The following CPNE4 variants were observed in gnomAD, a reference collection of about 807,000 sequenced individuals.
The protein encoded by CPNE4 is copine-4.
CPNE4 carries 25 observed loss-of-function variants against 67.9 expected under a neutral mutation model. The observed-to-expected ratio is 0.37, with a 90% CI of 0.27 to 0.51. The LOEUF (loss-of-function observed/expected upper bound fraction) is 0.51. Ranked by LOEUF, CPNE4 falls within the 20% of genes least tolerant of loss-of-function variation. The pLI is 0.93. For synonymous variants in CPNE4, 242 were observed against 244.9 expected, an observed-to-expected ratio of 0.99 and a Z score of 0.11; for missense variants, 464 against 690.8, an observed-to-expected ratio of 0.67 and a Z score of 3.68.
intron 1 of CPNE4, among the ~76,000 whole-genome samples, chr3:131,913,491 GAGGGAAGAATC>G (rs1370727526): frequency 6.6e-6 from 1 of 152,170 alleles, no homozygotes; most frequent in Non-Finnish European, 1.5e-5. Context: ...AACCCACTCT[GAGGGAAGAATC>G]AGGGAAGAAG....
chr3:131,860,184 A>G (rs1226463494), intron 2 of CPNE4, among the ~76,000 whole-genome samples: 1 of 152,208 alleles, frequency 6.6e-6, no homozygotes, highest in Non-Finnish European at 1.5e-5. Context: ...AAAGCATGAA[A>G]ACAAATGTCT....
intron 2 of CPNE4, among the ~76,000 whole-genome samples, chr3:131,820,685 C>A (rs76447808): frequency 0.023 from 3,516 of 152,264 alleles, 123 homozygotes; most frequent in African/African-American, 0.078. Flanking sequence ...AATTTCTGTT[C>A]TTAAAAATAA....
intron 8 of CPNE4, among the ~76,000 whole-genome samples, chr3:131,586,348 T>C (rs1559941574): frequency 6.6e-6 from 1 of 151,962 alleles, no homozygotes; most frequent in Non-Finnish European, 1.5e-5. Flanking sequence ...GAAGCATGAA[T>C]AGAGGAGTGA....
intron 1 of CPNE4, among the ~76,000 whole-genome samples, chr3:131,979,159 A>T (rs569143746): frequency 5.3e-5 from 8 of 152,234 alleles, no homozygotes; most frequent in African/African-American, 1.9e-4. Flanking sequence ...TGGAATGTGT[A>T]TTCTGCAGTC....
At chr3:131,804,035 A>T (rs114527191) in intron 2 of CPNE4, among the ~76,000 whole-genome samples, 294 of 152,278 alleles carry the variant, frequency 1.9e-3, no homozygotes, top group African/African-American at 5.3e-3. Flanking sequence ...ATCTAGAGTC[A>T]ATTAGTCTCT....
intron 14 of CPNE4, among the ~76,000 whole-genome samples, chr3:131,549,532 G>A (rs1936056304): frequency 6.6e-6 from 1 of 152,108 alleles, no homozygotes; most frequent in Non-Finnish European, 1.5e-5. Context: ...ACCACCAGGA[G>A]GCAGAATCAT....
At chr3:131,749,685 T>C (rs1475151725) in intron 2 of CPNE4, among the ~76,000 whole-genome samples, 1 of 152,178 alleles carries the variant, frequency 6.6e-6, no homozygotes, top group Admixed American at 6.6e-5. Flanking sequence ...GGATTCATAC[T>C]TTTATTATTA....
At chr3:131,875,797 C>A (rs2087421541) in intron 2 of CPNE4, among the ~76,000 whole-genome samples, 1 of 151,690 alleles carries the variant, frequency 6.6e-6, no homozygotes, top group African/African-American at 2.4e-5. Flanking sequence ...AACAAACCTG[C>A]ATGTTGTGCA....
At chr3:131,906,451 G>A (rs1224781783) in intron 1 of CPNE4, among the ~76,000 whole-genome samples, 1 of 128,816 alleles carries the variant, frequency 7.8e-6, no homozygotes, top group Non-Finnish European at 1.5e-5. Context: ...TGCCCTTCCT[G>A]TGTCCATGTG....
At chr3:131,706,427 GGTAA>G (rs2081415036) in intron 3 of CPNE4, among the ~76,000 whole-genome samples, 1 of 152,160 alleles carries the variant, frequency 6.6e-6, no homozygotes, top group African/African-American at 2.4e-5. Context: ...AGCTCTGCAA[GGTAA>G]GTATTATAAG....
intron 2 of CPNE4, among the ~76,000 whole-genome samples, chr3:131,748,175 GATTACTACTATATATGGTACTATATGA>G (rs2082538786): frequency 6.6e-6 from 1 of 151,994 alleles, no homozygotes; most frequent in Middle Eastern, 3.5e-3. Flanking sequence ...GTACTATATG[GATTACTACTATATATGGTACTATATGA>G]ATTACTATAT....
chr3:131,840,988 C>T (rs545672213), intron 2 of CPNE4, among the ~76,000 whole-genome samples: 2 of 152,304 alleles, frequency 1.3e-5, no homozygotes, highest in South Asian at 4.2e-4. Context: ...GTTCTTCCCC[C>T]ATTCATCACC....
chr3:131,555,979 G>A (rs1936436252), intron 11 of CPNE4, among the ~76,000 whole-genome samples: 1 of 152,102 alleles, frequency 6.6e-6, no homozygotes, highest in African/African-American at 2.4e-5. Context: ...CCCTTCTGCA[G>A]GTGGGGAAAT....
intron 1 of CPNE4, among the ~76,000 whole-genome samples, chr3:131,935,090 G>A (rs1014227443): frequency 6.6e-6 from 1 of 152,118 alleles, no homozygotes; most frequent in African/African-American, 2.4e-5. Flanking sequence ...GCATTACTGA[G>A]GGCCCAGATG....
At chr3:131,938,234 G>A (rs1472359647) in intron 1 of CPNE4, among the ~76,000 whole-genome samples, 1 of 151,958 alleles carries the variant, frequency 6.6e-6, no homozygotes, top group Admixed American at 6.6e-5. Flanking sequence ...GTGTGCATAT[G>A]TAGTCTCAGT....
intron 7 of CPNE4, among the ~76,000 whole-genome samples, chr3:131,592,657 G>C (rs1938610549): frequency 2.0e-5 from 3 of 151,512 alleles, no homozygotes; most frequent in Admixed American, 2.0e-4. Flanking sequence ...ATATATATTT[G>C]TTACTGTTGT....
chr3:132,007,946 TGGCACATTTCTTTGTTGGA>T lies in CPNE4; in HGVS notation c.-2+26602_-2+26620del, dbSNP rs1313959332. ...TCACAATGGATAGCTCCAATTTGAA[TGGCACATTTCTTTGTTGGA>T]GGCATGGCTGGAATACATTGTGCAT... On this transcript the variant is annotated intron_variant, in intron 1 of 15. Coordinates refer to ENST00000429747, the MANE Select transcript of CPNE4 (RefSeq NM_130808.3). Among the ~76,000 whole-genome samples, 6 of 152,282 alleles carry T rather than the reference TGGCACATTTCTTTGTTGGA, an allele frequency of 3.9e-5. No individual in the cohort carries two copies. The East Asian group carries it at 1.2e-3, about 29-fold the overall frequency.
At chr3:131,864,273 T>C (rs1301565451) in intron 2 of CPNE4, among the ~76,000 whole-genome samples, 1 of 151,664 alleles carries the variant, frequency 6.6e-6, no homozygotes, top group Admixed American at 6.6e-5. Context: ...GGGGATGGCA[T>C]TGAATCTATA....
intron 1 of CPNE4, among the ~76,000 whole-genome samples, chr3:131,911,108 T>A (rs1037526124): frequency 6.6e-6 from 1 of 152,152 alleles, no homozygotes; most frequent in Admixed American, 6.6e-5. Flanking sequence ...AGTAATAGAA[T>A]GTCATCTCTG....
Sources: allele counts gnomAD v4.1 joint callset (sites outside exome capture counted in the v4.1 genomes callset), GRCh38; gene constraint gnomAD v4.1.1; transcripts MANE v1.5; gene names NCBI Gene and HGNC (gene_info 2026-07-23, HGNC 2026-07-21).